The following CSMD1 variants were observed in gnomAD, a reference collection of about 807,000 sequenced individuals.
CSMD1 encodes the protein CUB and Sushi multiple domains 1.
CSMD1 carries 213 observed loss-of-function variants against 417.5 expected under a neutral mutation model. That is an observed-to-expected ratio of 0.51 (90% confidence interval 0.46 to 0.57). CSMD1 has a LOEUF of 0.57. CSMD1 is among the 20% of genes least tolerant of loss of function. CSMD1 has a pLI of 0.00. For missense variants in CSMD1, 6,923 were observed against 4,529.7 expected (o/e 1.53, Z -15.17); for synonymous variants, 2,862 against 1,736.8 (o/e 1.65, Z -16.11).
chr8:4,010,140 T>A (rs1007197805), intron 4 of CSMD1, among the ~76,000 whole-genome samples: 1 of 152,200 alleles, frequency 6.6e-6, no homozygotes, highest in Non-Finnish European at 1.5e-5. Flanking sequence ...ATGTCTTCTC[T>A]GAAGTCATCT....
intron 1 of CSMD1, among the ~76,000 whole-genome samples, chr8:4,647,679 T>C (rs2130885574): frequency 6.6e-6 from 1 of 152,260 alleles, no homozygotes; most frequent in African/African-American, 2.4e-5. Flanking sequence ...GGTTTTCTGT[T>C]CTTGTGTTGG....
intron 15 of CSMD1, among the ~76,000 whole-genome samples, chr8:3,403,090 T>A (rs1812137999): frequency 1.3e-5 from 2 of 152,210 alleles, no homozygotes; most frequent in African/African-American, 2.4e-5. Context: ...TTATTACATG[T>A]TTCTACTTTA....
At chr8:4,594,055 T>G (rs1382346549) in intron 2 of CSMD1, among the ~76,000 whole-genome samples, 1 of 152,044 alleles carries the variant, frequency 6.6e-6, no homozygotes, top group Non-Finnish European at 1.5e-5. Flanking sequence ...ATCATCAGTC[T>G]CCTCCATCTT....
In CSMD1 at chr8:3,214,500, T is replaced by C. The variant is rs1340441315; in HGVS notation, c.4864A>G (p.Asn1622Asp). The change falls in exon 30 of 70, where the codon AAT (asparagine) becomes GAT (aspartate). Residue 1622 changes from asparagine to aspartate, a missense_variant. Transcript: ENST00000635120. ...PSWDQVLPSCNAPCGGQYTGS... is the reference protein window; with the variant it reads ...PSWDQVLPSCDAPCGGQYTGS... ...AAATACCCAAGCGTGCACTCACCAT[T>C]GCAGGAGGGCAGCACTTGGTCCCAG... The C allele has an allele frequency of 1.3e-6, 2 of 1,591,076 alleles. No homozygotes were observed. The highest frequency in any genetic ancestry group is 2.3e-5 in the South Asian group (2 of 86,630).
intron 4 of CSMD1, among the ~76,000 whole-genome samples, chr8:4,002,785 T>C (rs994778917): frequency 2.0e-5 from 3 of 152,146 alleles, no homozygotes; most frequent in African/African-American, 7.2e-5. Flanking sequence ...AAGAACTGAA[T>C]AGAAAGTTTT....
chr8:2,955,888 A>C (rs1442046844), intron 63 of CSMD1, 120 bp from the exon 64 acceptor site: 1 of 666,240 alleles, frequency 1.5e-6, no homozygotes, highest in Non-Finnish European at 2.4e-6. Flanking sequence ...GTATATATAC[A>C]TATATATACA....
chr8:2,960,609 T>C (rs1241253880), intron 62 of CSMD1, among the ~76,000 whole-genome samples: 2 of 152,176 alleles, frequency 1.3e-5, no homozygotes, highest in Non-Finnish European at 2.9e-5. Context: ...CGTTCCAAAA[T>C]GATATTTAGT....
chr8:3,214,575 G>A lies in CSMD1; in HGVS notation c.4789C>T (p.Leu1597Phe). 5 of 1,583,298 alleles carry A rather than the reference G, an allele frequency of 3.2e-6. No homozygotes were observed. The highest frequency in any genetic ancestry group is 3.4e-6 in the Non-Finnish European group (4 of 1,164,096). The change falls in exon 30 of 70, where the codon CTT (leucine) becomes TTT (phenylalanine). Residue 1597 changes from leucine (L) to phenylalanine (F), a missense_variant. Transcript: ENST00000635120. ...ACACAGGTGATGGATGAGGGGTCAA[G>A]AATCTTATAGCCAGAGTCACACTGG... The part of the protein sequence containing the change: ...TYQCDSGYKI[L>F]DPSSITCVIG...
At chr8:4,622,593 T>A (rs1282070983) in intron 2 of CSMD1, among the ~76,000 whole-genome samples, 1 of 152,038 alleles carries the variant, frequency 6.6e-6, no homozygotes, top group African/African-American at 2.4e-5. Flanking sequence ...GTGTACAAGG[T>A]TTGGTTTCGG....
intron 26 of CSMD1, among the ~76,000 whole-genome samples, chr8:3,248,523 C>CA (rs1800035649): frequency 2.3e-5 from 2 of 85,982 alleles, no homozygotes; most frequent in Middle Eastern, 0.013. Context: ...AATTCCCTCC[C>CA]TTTTTTTTTT....
At chr8:4,946,932 G>C (rs959869226) in intron 1 of CSMD1, among the ~76,000 whole-genome samples, 2 of 152,096 alleles carry the variant, frequency 1.3e-5, no homozygotes, top group African/African-American at 2.4e-5. Context: ...ATGTACATAC[G>C]TATTTTAATA....
intron 3 of CSMD1, among the ~76,000 whole-genome samples, chr8:4,320,279 A>G (rs909883962): frequency 1.3e-5 from 2 of 152,220 alleles, no homozygotes; most frequent in Non-Finnish European, 2.9e-5. Flanking sequence ...GTAGGAAAAT[A>G]AAATGAATAC....
intron 12 of CSMD1, among the ~76,000 whole-genome samples, chr8:3,461,962 G>C (rs541644425): frequency 6.6e-6 from 1 of 152,336 alleles, no homozygotes; most frequent in African/African-American, 2.4e-5. Context: ...CCGGACAGGA[G>C]GGTGGCGGTG....
intron 12 of CSMD1, among the ~76,000 whole-genome samples, chr8:3,440,920 G>C (rs950443562): frequency 6.6e-6 from 1 of 152,156 alleles, no homozygotes; most frequent in Non-Finnish European, 1.5e-5. Flanking sequence ...CCACTCCCTT[G>C]TCCCCAGACG....
At chr8:4,295,049 TACACATATAATCTTAAGATTAC>T (rs761885547) in intron 3 of CSMD1, among the ~76,000 whole-genome samples, 9,119 of 113,882 alleles carry the variant, frequency 0.08, 765 homozygotes, top group South Asian at 0.094. Context: ...GTATATATTA[TACACATATAATCTTAAGATTAC>T]ACACATATAA....
intron 20 of CSMD1, among the ~76,000 whole-genome samples, chr8:3,365,685 A>C (rs777987811): frequency 2.6e-5 from 4 of 152,176 alleles, no homozygotes; most frequent in Non-Finnish European, 4.4e-5. Context: ...GTGTTAATTG[A>C]CTGTAGGCTT....
chr8:4,486,248 TAC>T (rs1188456637), intron 2 of CSMD1, among the ~76,000 whole-genome samples: 3 of 44,238 alleles, frequency 6.8e-5, no homozygotes, highest in African/African-American at 3.9e-4. Context: ...TATATATACA[TAC>T]ATATATATAT....
intron 5 of CSMD1, among the ~76,000 whole-genome samples, chr8:3,979,317 T>A (rs966096902): frequency 6.6e-6 from 1 of 152,206 alleles, no homozygotes; most frequent in African/African-American, 2.4e-5. Context: ...GAGGTGTGAA[T>A]CAGGTATCAC....
chr8:4,595,722 G>A (rs13249431), intron 2 of CSMD1, among the ~76,000 whole-genome samples: 106,881 of 152,022 alleles, frequency 0.7, 37,702 homozygotes, highest in African/African-American at 0.73. Flanking sequence ...GGCAACATAG[G>A]TAGACTTTGT....
Sources: gnomAD v4.1 joint callset for allele counts (sites outside exome capture counted in the v4.1 genomes callset) on GRCh38, gnomAD v4.1.1 for gene constraint, MANE v1.5 for transcripts, NCBI Gene and HGNC (gene_info 2026-07-23, HGNC 2026-07-21) for gene names.